ASTN2: variants seen among roughly 807,000 people sequenced by gnomAD.
The protein encoded by ASTN2 is astrotactin 2.
In ASTN2, 54 loss-of-function variants were observed where a neutral mutation model predicts 139.8. That is an observed-to-expected ratio of 0.39 (90% CI 0.31 to 0.48). ASTN2 has a LOEUF of 0.48. ASTN2 is among the 20% of genes least tolerant of loss of function. The probability of loss-of-function intolerance (pLI) is 0.95; values close to 1 mark genes in which losing one functional copy is unlikely to be tolerated. For synonymous variants in ASTN2, 756 were observed against 719.5 expected (o/e 1.05, Z -0.81); for missense variants, 1,565 against 1,725.1 (o/e 0.91, Z 1.64).
At chr9:117,284,040 C>G (rs1332717720) in intron 2 of ASTN2, among the ~76,000 whole-genome samples, 2 of 152,162 alleles carry the variant, frequency 1.3e-5, no homozygotes, top group African/African-American at 2.4e-5. Flanking sequence ...CCTCCAAAAG[C>G]AATATGTTAA....
chr9:116,642,450 AGAACAG>A (rs1857390303), intron 17 of ASTN2, among the ~76,000 whole-genome samples: 3 of 152,186 alleles, frequency 2.0e-5, no homozygotes, highest in Admixed American at 2.0e-4. Flanking sequence ...CCAAGTGCCC[AGAACAG>A]TGTCTGGCCA....
chr9:116,521,809 A>AAAAC (rs3040262), intron 19 of ASTN2, among the ~76,000 whole-genome samples: 136,110 of 150,832 alleles, frequency 0.9, 61,496 homozygotes, highest in Admixed American at 0.93. Context: ...ATCAGCAAGA[A>AAAAC]AAACAAACAA....
intron 20 of ASTN2, 129 bp from the exon 21 acceptor site, chr9:116,442,682 T>A: frequency 1.4e-6 from 1 of 732,620 alleles, no homozygotes; most frequent in Non-Finnish European, 2.4e-6. Context: ...AGAATGATAC[T>A]TATAAAGCAT....
At chr9:117,234,002 C>A (rs1413939011) in intron 2 of ASTN2, among the ~76,000 whole-genome samples, 1 of 152,310 alleles carries the variant, frequency 6.6e-6, no homozygotes, top group Non-Finnish European at 1.5e-5. Context: ...TCATAAGATT[C>A]TATTTAGACC....
chr9:117,064,389 G>A (rs978290050), intron 5 of ASTN2, among the ~76,000 whole-genome samples: 4 of 152,092 alleles, frequency 2.6e-5, no homozygotes, highest in Non-Finnish European at 4.4e-5. Context: ...AAAGGTCTTC[G>A]CAGATGATCC....
chr9:116,483,535 C>T (rs1047280204), intron 20 of ASTN2, among the ~76,000 whole-genome samples: 1 of 152,030 alleles, frequency 6.6e-6, no homozygotes, highest in Non-Finnish European at 1.5e-5. Context: ...GAGATACACT[C>T]ATAGCAACAG....
chr9:116,930,084 A>G (rs1022788157), intron 10 of ASTN2, among the ~76,000 whole-genome samples: 5 of 152,134 alleles, frequency 3.3e-5, no homozygotes, highest in Non-Finnish European at 7.4e-5. Context: ...CCCAATTGCT[A>G]AAGCAAATGG....
rs983571460 is a variant in ASTN2 at position 116,527,341 on chromosome 9, T to C, written c.3356-39841A>G. Among the ~76,000 whole-genome samples, 4 of 152,032 alleles carry C rather than the reference T, an allele frequency of 2.6e-5. No homozygotes were observed. In the East Asian group the frequency reaches 7.7e-4, roughly 29 times the overall value. ...TTCAAAAACTTAGTAAGAAAACAAA[T>C]TGTCCAATTAAAAAATAAGCAAAGG... On this transcript the variant is annotated intron_variant, in intron 19 of 22. Coordinates refer to ENST00000313400, the MANE Select transcript of ASTN2 (RefSeq NM_001365068.1).
intron 11 of ASTN2, among the ~76,000 whole-genome samples, chr9:116,846,936 G>A (rs980599102): frequency 6.9e-6 from 1 of 144,878 alleles, no homozygotes; most frequent in African/African-American, 2.6e-5. Context: ...CACACAGCAA[G>A]GGTTCAGTTC....
intron 2 of ASTN2, among the ~76,000 whole-genome samples, chr9:117,217,883 A>G (rs1332987705): frequency 6.6e-6 from 1 of 152,188 alleles, no homozygotes; most frequent in Non-Finnish European, 1.5e-5. Context: ...TGGATCCCCA[A>G]ATCCTTTTCA....
chr9:117,328,870 C>A (rs1311575776), intron 1 of ASTN2, among the ~76,000 whole-genome samples: 5 of 152,210 alleles, frequency 3.3e-5, no homozygotes, highest in African/African-American at 1.2e-4. Context: ...GACGGAGAGC[C>A]ATCTCATGGC....
intron 3 of ASTN2, among the ~76,000 whole-genome samples, chr9:117,163,266 T>C (rs548402935): frequency 6.6e-6 from 1 of 152,158 alleles, no homozygotes; most frequent in African/African-American, 2.4e-5. Flanking sequence ...TTGGCAAATA[T>C]ATGGCATTGA....
intron 6 of ASTN2, among the ~76,000 whole-genome samples, chr9:117,029,889 A>G (rs888456958): frequency 1.3e-5 from 2 of 152,122 alleles, no homozygotes; most frequent in African/African-American, 4.8e-5. Flanking sequence ...TACATATTAA[A>G]GCTGCAAACA....
At chr9:116,539,518 C>T (rs532311269) in intron 19 of ASTN2, among the ~76,000 whole-genome samples, 12 of 152,210 alleles carry the variant, frequency 7.9e-5, no homozygotes, top group Non-Finnish European at 1.2e-4. Context: ...GTTTTATGAA[C>T]ATTTGAACAC....
chr9:117,347,595 T>C (rs1829260744), intron 1 of ASTN2, among the ~76,000 whole-genome samples: 1 of 152,152 alleles, frequency 6.6e-6, no homozygotes, highest in African/African-American at 2.4e-5. Context: ...CTAGTGCAAT[T>C]CTCTCTTGTA....
At chr9:116,737,985 G>A (rs1412594491) in intron 13 of ASTN2, among the ~76,000 whole-genome samples, 4 of 151,698 alleles carry the variant, frequency 2.6e-5, no homozygotes, top group Non-Finnish European at 4.4e-5. Context: ...GAGGTCAGGA[G>A]ATCGAGACCA....
At chr9:116,802,572 C>G (rs1035208069) in intron 13 of ASTN2, among the ~76,000 whole-genome samples, 3 of 152,198 alleles carry the variant, frequency 2.0e-5, no homozygotes, top group Admixed American at 6.5e-5. Flanking sequence ...TCTTACTACC[C>G]ATGTGGATCC....
chr9:117,239,103 G>A (rs1036483559), intron 2 of ASTN2, among the ~76,000 whole-genome samples: 2 of 152,136 alleles, frequency 1.3e-5, no homozygotes, highest in Non-Finnish European at 2.9e-5. Context: ...AATCAGCAGT[G>A]GATTCAGATT....
At chr9:117,226,127 T>C (rs1300832988) in intron 2 of ASTN2, among the ~76,000 whole-genome samples, 1 of 152,160 alleles carries the variant, frequency 6.6e-6, no homozygotes, top group Non-Finnish European at 1.5e-5. Context: ...TTTCTTGCAA[T>C]TCCAATTACA....
Sources: gnomAD v4.1 joint callset for allele counts (sites outside exome capture counted in the v4.1 genomes callset) on GRCh38, gnomAD v4.1.1 for gene constraint, MANE v1.5 for transcripts, NCBI Gene and HGNC (gene_info 2026-07-23, HGNC 2026-07-21) for gene names.